WDR27: variants seen among roughly 807,000 people sequenced by gnomAD.
The protein encoded by WDR27 is WD repeat domain 27, also known as WD repeat-containing protein 27.
Under a neutral mutation model 114.4 loss-of-function variants are expected in WDR27, and 100 were observed. The observed-to-expected ratio is 0.87, with a 90% CI of 0.74 to 1.03. The LOEUF (loss-of-function observed/expected upper bound fraction) is 1.03. Ranked by LOEUF, WDR27 falls within the 50% of genes least tolerant of loss-of-function variation. The pLI is 0.00. For synonymous variants in WDR27, 449 were observed against 423.1 expected (o/e 1.06, Z -0.75); for missense variants, 1,129 against 1,092.9 (o/e 1.03, Z -0.47).
chr6:169,436,942 T>C, the WDR27 span, among the ~76,000 whole-genome samples: 1 of 152,106 alleles, frequency 6.6e-6, no homozygotes, highest in Non-Finnish European at 1.5e-5. Context: ...TCAAAATTTC[T>C]TCCTGGGTAT....
intron 7 of WDR27, 188 bp from the exon 8 acceptor site, chr6:169,664,474 G>A (rs911542308): frequency 2.9e-5 from 42 of 1,441,428 alleles, no homozygotes; most frequent in Admixed American, 8.0e-5. Context: ...TACGGCCCAC[G>A]GTGTCAGAGC....
At chr6:169,617,000 C>A (rs1204535126) in intron 21 of WDR27, among the ~76,000 whole-genome samples, 1 of 152,084 alleles carries the variant, frequency 6.6e-6, no homozygotes, top group Middle Eastern at 3.2e-3. Flanking sequence ...AATCAAGCAA[C>A]AGGGAGATAT....
chr6:169,626,813 C>T (rs1814975861), intron 21 of WDR27, among the ~76,000 whole-genome samples: 1 of 152,224 alleles, frequency 6.6e-6, no homozygotes, highest in Admixed American at 6.5e-5. Context: ...GCCATGCGTT[C>T]ATCCAGTGTG....
intron 25 of WDR27, among the ~76,000 whole-genome samples, chr6:169,481,761 T>C (rs1462960081): frequency 6.7e-6 from 1 of 149,134 alleles, no homozygotes; most frequent in African/African-American, 2.5e-5. Context: ...CAGACGTGCC[T>C]CCTTAAAGAA....
intron 14 of WDR27, among the ~76,000 whole-genome samples, chr6:169,651,189 G>A (rs1228916881): frequency 4.4e-5 from 5 of 112,856 alleles, no homozygotes; most frequent in East Asian, 4.7e-4. Context: ...GGGGCGGGGG[G>A]GGGGAGTGGG....
the WDR27 span, among the ~76,000 whole-genome samples, chr6:169,427,262 C>T: frequency 6.6e-6 from 1 of 152,182 alleles, no homozygotes; most frequent in South Asian, 2.1e-4. Context: ...AAGAAGGGAG[C>T]AAAGTAGGTG....
Position 169,622,958 on chromosome 6 carries a change from C to A in WDR27, c.2224-9302G>T, listed in dbSNP as rs188938823. On this transcript the variant is annotated intron_variant, in intron 21 of 25. Transcript: ENST00000448612. ...ACAAATCCCCTTCTTGCCTGGGGAC[C>A]AGACTGCCTTTGTAGGACCTACAAA... Among the ~76,000 whole-genome samples, 8 of 152,286 alleles carry A rather than the reference C, an allele frequency of 5.3e-5. No individual in the cohort carries two copies. In the East Asian group the frequency reaches 1.5e-3, roughly 29 times the overall value.
At chr6:169,527,995 A>T (rs1214530050) in intron 25 of WDR27, among the ~76,000 whole-genome samples, 2 of 152,200 alleles carry the variant, frequency 1.3e-5, no homozygotes, top group Non-Finnish European at 2.9e-5. Context: ...GGAAGAAATG[A>T]TTCCTAACTG....
intron 25 of WDR27, among the ~76,000 whole-genome samples, chr6:169,562,532 G>C (rs536869276): frequency 3.9e-5 from 6 of 151,914 alleles, no homozygotes; most frequent in African/African-American, 1.5e-4. Flanking sequence ...GCTGTGTCAG[G>C]GGCTTCTGAG....
chr6:169,664,108 C>T (rs771367943), intron 8 of WDR27, 58 bp downstream of exon 8: 14 of 1,465,056 alleles, frequency 9.6e-6, no homozygotes, highest in Admixed American at 7.0e-5. Context: ...CTTGACATGG[C>T]GCCTGGTGAA....
chr6:169,538,785 A>G (rs754459127), intron 25 of WDR27, among the ~76,000 whole-genome samples: 9 of 148,950 alleles, frequency 6.0e-5, no homozygotes, highest in Non-Finnish European at 1.3e-4. Flanking sequence ...AACACTAACC[A>G]TATGCAGTAA....
the WDR27 span, among the ~76,000 whole-genome samples, chr6:169,437,654 G>A: frequency 6.6e-6 from 1 of 151,844 alleles, no homozygotes; most frequent in Non-Finnish European, 1.5e-5. Flanking sequence ...GGTACATATT[G>A]TTGCTTAACT....
intron 25 of WDR27, among the ~76,000 whole-genome samples, chr6:169,545,517 C>T (rs946708023): frequency 6.5e-4 from 99 of 152,090 alleles, no homozygotes; most frequent in African/African-American, 2.2e-3. Context: ...CCCATCTCTA[C>T]GTAAAAATAC....
At chr6:169,658,682 TTTTC>T (rs1284072650) in intron 12 of WDR27, among the ~76,000 whole-genome samples, 1 of 150,154 alleles carries the variant, frequency 6.7e-6, no homozygotes, top group African/African-American at 2.5e-5. Context: ...GAGCTCCGAG[TTTTC>T]TTTTTTTTTT....
the WDR27 span, among the ~76,000 whole-genome samples, chr6:169,427,484 G>A: frequency 2.0e-5 from 3 of 152,180 alleles, no homozygotes; most frequent in African/African-American, 7.2e-5. Flanking sequence ...CTACCTTTAA[G>A]CAAAGGCTTG....
the WDR27 span, among the ~76,000 whole-genome samples, chr6:169,438,946 T>A: frequency 1.3e-5 from 2 of 152,190 alleles, no homozygotes; most frequent in East Asian, 3.8e-4. Context: ...ATAATCACTC[T>A]GATTAAATAA....
intron 21 of WDR27, among the ~76,000 whole-genome samples, chr6:169,615,747 A>G (rs1000434502): frequency 1.3e-5 from 2 of 152,216 alleles, no homozygotes; most frequent in African/African-American, 4.8e-5. Context: ...AAAGACACCA[A>G]AAGCAATTGC....
intron 21 of WDR27, among the ~76,000 whole-genome samples, chr6:169,614,318 T>C (rs1306815767): frequency 3.3e-5 from 5 of 152,312 alleles, no homozygotes; most frequent in Non-Finnish European, 7.4e-5. Flanking sequence ...TCATGAAGGA[T>C]AGATGTGCCT....
At chr6:169,621,428 TCA>T (rs1255386662) in intron 21 of WDR27, among the ~76,000 whole-genome samples, 2 of 147,868 alleles carry the variant, frequency 1.4e-5, no homozygotes, top group Non-Finnish European at 3.0e-5. Flanking sequence ...ACACGCGCAT[TCA>T]CACATATACA....
Sources: allele counts gnomAD v4.1 joint callset (sites outside exome capture counted in the v4.1 genomes callset), GRCh38; gene constraint gnomAD v4.1.1; transcripts MANE v1.5; gene names NCBI Gene and HGNC (gene_info 2026-07-23, HGNC 2026-07-21).